The following PLEKHA5 variants were observed in gnomAD, a reference collection of about 807,000 sequenced individuals.
The protein encoded by PLEKHA5 is pleckstrin homology domain-containing family A member 5.
In PLEKHA5, 55 loss-of-function variants were observed where a neutral mutation model predicts 181.9. The observed-to-expected ratio is 0.30, with a 90% CI of 0.24 to 0.38. PLEKHA5 has a LOEUF of 0.38. PLEKHA5 is among the 10% of genes least tolerant of loss of function. The pLI is 1.00. For synonymous variants in PLEKHA5, 535 were observed against 529.4 expected, an observed-to-expected ratio of 1.01 and a Z score of -0.15; for missense variants, 1,432 against 1,549.5, an observed-to-expected ratio of 0.92 and a Z score of 1.27.
rs149210669 is a variant in PLEKHA5, at chr12:19,173,489, G to A, written c.227+41039G>A. On this transcript the variant is annotated intron_variant, in intron 3 of 31. Transcript: ENST00000429027. ...AAAAAAAATGTGCTCCATTATCGGA[G>A]CCAGACACAGTTGAGTGTGGGGACG... Among the ~76,000 whole-genome samples the A allele has an allele frequency of 2.4e-3, 365 of 152,128 alleles. 3 individuals carry two copies. Among genetic ancestry groups the A allele is most frequent in the African/African-American group, 7.0e-3 (292 of 41,514 alleles).
intron 3 of PLEKHA5, among the ~76,000 whole-genome samples, chr12:19,247,350 T>A (rs1400952301): frequency 6.6e-6 from 1 of 152,342 alleles, no homozygotes; most frequent in South Asian, 2.1e-4. Flanking sequence ...AGCTCAGAAC[T>A]AAGATGTCTG....
In PLEKHA5 at chr12:19,287,549, G is replaced by A; in HGVS notation, c.1856G>A (p.Gly619Glu). 6.4e-7 allele frequency: 1 copy of A among 1,571,430 alleles called. No homozygotes were observed. The highest frequency in any genetic ancestry group is 8.7e-7 in the Non-Finnish European group (1 of 1,142,960). Residue 619 changes from glycine (G) to glutamate (E), a missense_variant, in exon 13 of 32, where the codon GGG becomes GAG. Gly to Glu is a moderately conservative substitution (Grantham distance 98, BLOSUM62 -2). Coordinates refer to ENST00000429027, the MANE Select transcript of PLEKHA5 (RefSeq NM_001256470.2). ...TCTGTTAGTCCCCAGAGCCTCCAAG[G>A]GAAAACGGTGAGTAATATCTTTATT... ...LQSVSPQSLQ[G>E]KTPEELTLLL...
At position 19,290,741 on chromosome 12, in the gene PLEKHA5, G is replaced by A. The variant is rs775948588; in HGVS notation, c.1928G>A (p.Arg643Gln). The change falls in exon 14 of 32, where the codon CGG becomes CAG. Residue 643 changes from arginine (R) to glutamine (Q), a missense_variant. Physicochemically the swap from Arg to Gln is conservative, Grantham distance 43. Around this residue, in one of 2 missense-constraint regions of PLEKHA5, gnomAD observed 1,143 missense variants for 1,168.4 expected, o/e 0.98. Transcript: ENST00000429027. ...CAGCAAGCCGAACTGAGTAGTATCC[G>A]GGAGCATACGTTAGCACAGCTCATG... ...RRQQAELSSI[R>Q]EHTLAQLMQL... 1.0e-5 allele frequency: 16 copies of A among 1,536,032 alleles called. No individual in the cohort carries two copies. Among genetic ancestry groups the A allele is most frequent in the South Asian group, 3.6e-5 (3 of 83,994 alleles).
intron 3 of PLEKHA5, among the ~76,000 whole-genome samples, chr12:19,179,101 A>C (rs2047958780): frequency 1.3e-5 from 2 of 152,178 alleles, no homozygotes; most frequent in Non-Finnish European, 2.9e-5. Context: ...CGAGACATTT[A>C]ATTCCTTTGC....
intron 21 of PLEKHA5, among the ~76,000 whole-genome samples, chr12:19,337,064 C>T (rs376445099): frequency 2.0e-5 from 3 of 148,294 alleles, no homozygotes; most frequent in South Asian, 2.2e-4. Flanking sequence ...CTTGGCTCAC[C>T]GCAACCTCTG....
chr12:19,318,210 G>T (rs1762642723), intron 16 of PLEKHA5, among the ~76,000 whole-genome samples: 1 of 151,772 alleles, frequency 6.6e-6, no homozygotes, highest in Non-Finnish European at 1.5e-5. Flanking sequence ...GATTTGGTTA[G>T]TTGATGTCTA....
At chr12:19,230,702 C>T (rs1396246846) in intron 3 of PLEKHA5, among the ~76,000 whole-genome samples, 4 of 152,130 alleles carry the variant, frequency 2.6e-5, no homozygotes, top group African/African-American at 4.8e-5. Context: ...GGCCCACAAG[C>T]GCTACGTGCA....
intron 15 of PLEKHA5, among the ~76,000 whole-genome samples, chr12:19,293,459 G>A (rs1046526755): frequency 2.0e-5 from 3 of 152,076 alleles, no homozygotes; most frequent in Non-Finnish European, 4.4e-5. Context: ...TAACCACAGT[G>A]TATATTATGC....
chr12:19,328,534 T>G (rs2092492305), intron 20 of PLEKHA5, among the ~76,000 whole-genome samples: 1 of 150,870 alleles, frequency 6.6e-6, no homozygotes. Flanking sequence ...ATCTTTCACC[T>G]CCTTGGTTAG....
At chr12:19,183,750 A>G (rs183483704) in intron 3 of PLEKHA5, among the ~76,000 whole-genome samples, 10 of 152,062 alleles carry the variant, frequency 6.6e-5, no homozygotes, top group South Asian at 2.1e-4. Flanking sequence ...GTCTTGCTCT[A>G]TTGCCCAGGC....
intron 15 of PLEKHA5, chr12:19,307,592 G>A (rs2084485708): frequency 6.2e-6 from 2 of 323,220 alleles, no homozygotes. Flanking sequence ...GGAGGAGGAG[G>A]ACTCTCATCT....
intron 20 of PLEKHA5, among the ~76,000 whole-genome samples, chr12:19,331,437 C>T (rs1419863155): frequency 6.6e-6 from 1 of 152,062 alleles, no homozygotes; most frequent in African/African-American, 2.4e-5. Flanking sequence ...TTCCTGAGCT[C>T]AGGAGATTTC....
chr12:19,137,870 C>G (rs1474581271), intron 3 of PLEKHA5, among the ~76,000 whole-genome samples: 1 of 152,136 alleles, frequency 6.6e-6, no homozygotes, highest in Non-Finnish European at 1.5e-5. Context: ...ATGATGCTGG[C>G]TCCTAGTTAT....
chr12:19,183,839 G>A (rs1260262366), intron 3 of PLEKHA5, among the ~76,000 whole-genome samples: 5 of 152,014 alleles, frequency 3.3e-5, no homozygotes, highest in South Asian at 2.1e-4. Flanking sequence ...TCAGCCTCCC[G>A]AGTAGGTGGG....
At chr12:19,275,939 A>G (rs369463356) in intron 11 of PLEKHA5, among the ~76,000 whole-genome samples, 4 of 152,324 alleles carry the variant, frequency 2.6e-5, no homozygotes, top group South Asian at 2.1e-4. Flanking sequence ...AGAGGAGACA[A>G]TTGAATAAGT....
chr12:19,138,045 G>GCC (rs1468894533), intron 3 of PLEKHA5, among the ~76,000 whole-genome samples: 10 of 152,060 alleles, frequency 6.6e-5, no homozygotes, highest in African/African-American at 2.2e-4. Context: ...GAAGGGGGAG[G>GCC]AAGTGGTCAA....
intron 3 of PLEKHA5, among the ~76,000 whole-genome samples, chr12:19,145,730 A>G (rs2038763470): frequency 6.6e-6 from 1 of 152,020 alleles, no homozygotes; most frequent in South Asian, 2.1e-4. Context: ...CAATTTAAAC[A>G]GAATCTTTGT....
intron 29 of PLEKHA5, among the ~76,000 whole-genome samples, chr12:19,365,144 G>A (rs1472109410): frequency 3.9e-5 from 6 of 151,966 alleles, no homozygotes; most frequent in Non-Finnish European, 2.9e-5. Flanking sequence ...GGCTGAGGTG[G>A]GCAGATCAAG....
In PLEKHA5 at chr12:19,322,595, A is replaced by G. The variant is rs1011748946; in HGVS notation, c.2376A>G (p.Thr792=). Residue 792 remains threonine (T), a synonymous_variant, in exon 20 of 32, where the codon ACA becomes ACG. Coordinates refer to ENST00000429027, the MANE Select transcript of PLEKHA5 (RefSeq NM_001256470.2). The part of the protein sequence containing the change: ...MHADNPAAIQ[T]VVLQRDDLQN... Reference sequence around the variant, plus strand: ...CAGATAACCCAGCAGCCATTCAGACAGTGGTGTTACAAAGGGATGATTTAC... The same window carrying G: ...CAGATAACCCAGCAGCCATTCAGACGGTGGTGTTACAAAGGGATGATTTAC... 2.5e-6 allele frequency: 4 copies of G among 1,613,728 alleles called. No individual in the cohort carries two copies. The highest frequency in any genetic ancestry group is 2.7e-5 in the African/African-American group (2 of 74,932).
Sources: allele counts gnomAD v4.1 joint callset (sites outside exome capture counted in the v4.1 genomes callset), GRCh38; gene constraint gnomAD v4.1.1; regional missense constraint gnomAD v4.1.1; transcripts MANE v1.5; gene names NCBI Gene and HGNC (gene_info 2026-07-23, HGNC 2026-07-21).